TRANK1: variants seen among roughly 807,000 people sequenced by gnomAD.
The protein encoded by TRANK1 is tetratricopeptide repeat and ankyrin repeat containing 1.
Under a neutral mutation model 266.0 loss-of-function variants are expected in TRANK1, and 198 were observed. The ratio of observed to expected loss-of-function variants is 0.74; its 90% CI spans 0.66 to 0.84. The LOEUF (loss-of-function observed/expected upper bound fraction) is 0.84, where lower values mean the gene tolerates loss of function less well. TRANK1 is among the 40% of genes least tolerant of loss of function. The pLI, the probability that TRANK1 is intolerant of heterozygous loss-of-function variation, is 0.00. For synonymous variants in TRANK1, 1,396 were observed against 1,384.1 expected (o/e 1.01, Z -0.19); for missense variants, 3,326 against 3,634.6 (o/e 0.92, Z 2.18).
intron 1 of TRANK1, among the ~76,000 whole-genome samples, chr3:36,910,994 C>T (rs987541209): frequency 1.3e-5 from 2 of 151,818 alleles, no homozygotes; most frequent in East Asian, 1.9e-4. Flanking sequence ...TGCTTGAACC[C>T]GGAAGGCAGA....
intron 11 of TRANK1, 51 bp from the exon 12 acceptor site, chr3:36,858,945 G>A (rs371832978): frequency 6.0e-5 from 88 of 1,457,438 alleles, no homozygotes; most frequent in African/African-American, 8.5e-5. Flanking sequence ...AGCCTGGCTC[G>A]CCTGACGAGA....
rs547548010 is a variant in TRANK1 at position 36,861,030 on chromosome 3, C to T, written c.1371G>A (p.Pro457=). 3.9e-4 allele frequency: 598 copies of T among 1,537,870 alleles called. No homozygotes were observed. Among genetic ancestry groups the T allele is most frequent in the Middle Eastern group, 6.7e-4 (4 of 5,996 alleles). Reference sequence around the variant, plus strand: ...AGTCTTTGATGAGGCAATCCCCAAGCGGTGGTTCTCCACTTACTTTGCGGG... The same window carrying T: ...AGTCTTTGATGAGGCAATCCCCAAGTGGTGGTTCTCCACTTACTTTGCGGG... ...LLTRKVSGEP[P]LGDCLIKDCN... The change falls in exon 11 of 24, where the codon CCG becomes CCA. Residue 457 remains proline, a synonymous_variant. Transcript: ENST00000645898.
At chr3:36,888,505 C>A (rs1019213916) in intron 8 of TRANK1, among the ~76,000 whole-genome samples, 1 of 152,146 alleles carries the variant, frequency 6.6e-6, no homozygotes, top group African/African-American at 2.4e-5. Context: ...CAATAAAGCT[C>A]AAAAATCCAT....
intron 15 of TRANK1, among the ~76,000 whole-genome samples, chr3:36,848,222 C>A (rs1226245566): frequency 6.6e-6 from 1 of 152,066 alleles, no homozygotes; most frequent in Non-Finnish European, 1.5e-5. Context: ...AACACTGAAT[C>A]AAATTTAATA....
intron 1 of TRANK1, among the ~76,000 whole-genome samples, chr3:36,913,129 T>A (rs568363108): frequency 2.0e-5 from 3 of 151,872 alleles, no homozygotes; most frequent in Non-Finnish European, 4.4e-5. Context: ...GCAACCTCCA[T>A]CTCTCGAATT....
At position 36,831,207 on chromosome 3, in the gene TRANK1, C is replaced by T. The variant is rs1559411419; in HGVS notation, c.8376G>A (p.Gly2792=). The change falls in exon 22 of 24, where the codon GGG becomes GGA. Residue 2792 remains glycine (G), a synonymous_variant. Transcript: ENST00000645898. This position sits in a 1 kb window ranked among gnomAD's most constrained non-coding sequence, Gnocchi z 5.0. ...NYFSPSKAFE[G]AASEVAVLSR... ...AAAGGACTGCCACCTCGGAAGCTGC[C>T]CCCTCAAACGCTTTGCTGGGGCTGA... 2 of 1,613,950 alleles carry T rather than the reference C, an allele frequency of 1.2e-6. No homozygotes were observed. Among genetic ancestry groups the T allele is most frequent in the Non-Finnish European group, 1.7e-6 (2 of 1,179,892 alleles).
intron 2 of TRANK1, among the ~76,000 whole-genome samples, chr3:36,907,579 C>T (rs567160853): frequency 5.6e-4 from 85 of 151,154 alleles, no homozygotes; most frequent in Non-Finnish European, 9.9e-4. Context: ...ATTCTCCTGC[C>T]TCACCCTCCG....
chr3:36,863,129 A>G (rs73826908), intron 10 of TRANK1, among the ~76,000 whole-genome samples: 3,472 of 152,202 alleles, frequency 0.023, 140 homozygotes, highest in African/African-American at 0.08. Context: ...AGAGTAAGGA[A>G]TAAGAGGAAA....
At chr3:36,878,146 G>A (rs998821995) in intron 8 of TRANK1, among the ~76,000 whole-genome samples, 2 of 152,184 alleles carry the variant, frequency 1.3e-5, no homozygotes, top group Non-Finnish European at 2.9e-5. Flanking sequence ...CAGATAAGCA[G>A]CAGCATTAGA....
chr3:36,940,622 A>G (rs75269825), intron 1 of TRANK1, among the ~76,000 whole-genome samples: 10,506 of 152,144 alleles, frequency 0.069, 583 homozygotes, highest in African/African-American at 0.14. Flanking sequence ...CTGACCTCCC[A>G]TACTTCTTCT....
chr3:36,855,320 G>A lies in TRANK1; in HGVS notation c.4402C>T (p.Gln1468Ter). The stretch of plus-strand genomic sequence containing the variant: ...AAGGCCACGCCCTTCATGATGCTCT[G>A]GGCCGTGTCCCCCGTGAGGAACATA... ...NSMFLTGDTA[Q>*]SIMKGVAFRF... The change falls in exon 13 of 24, where the codon CAG becomes TAG. Residue 1468 changes from glutamine (Q) to a stop codon, truncating the protein, a stop_gained. Coordinates refer to ENST00000645898, the MANE Select transcript of TRANK1 (RefSeq NM_001329998.2). LOFTEE classifies it high-confidence loss of function. 1 of 1,614,058 alleles carries A rather than the reference G, an allele frequency of 6.2e-7. No individual in the cohort carries two copies. The highest frequency in any genetic ancestry group is 8.5e-7 in the Non-Finnish European group (1 of 1,179,902).
chr3:36,918,492 A>G (rs1327420433), intron 1 of TRANK1, among the ~76,000 whole-genome samples: 2 of 17,802 alleles, frequency 1.1e-4, no homozygotes, highest in East Asian at 2.8e-3. Context: ...AGAAAGAAAG[A>G]AAGAAAGAAA....
intron 2 of TRANK1, among the ~76,000 whole-genome samples, chr3:36,905,605 C>T (rs1385696653): frequency 1.3e-5 from 2 of 152,096 alleles, no homozygotes; most frequent in African/African-American, 2.4e-5. Flanking sequence ...GTTATGGTAG[C>T]GCAAGCAGAC....
intron 9 of TRANK1, 65 bp downstream of exon 9, chr3:36,874,061 A>G: frequency 1.4e-6 from 2 of 1,405,312 alleles, no homozygotes; most frequent in Non-Finnish European, 1.9e-6. Context: ...AGATAAACTG[A>G]TTTGTATCTA....
intron 4 of TRANK1, among the ~76,000 whole-genome samples, chr3:36,898,651 G>A (rs558972973): frequency 6.6e-6 from 1 of 151,784 alleles, no homozygotes; most frequent in Non-Finnish European, 1.5e-5. Context: ...AGAGATTAAG[G>A]CCATCCTGGC....
intron 7 of TRANK1, 101 bp downstream of exon 7, chr3:36,892,101 G>A (rs1026412566): frequency 6.1e-6 from 8 of 1,319,096 alleles, no homozygotes; most frequent in East Asian, 2.6e-5. Flanking sequence ...CAAATGGTCT[G>A]CATTCAAGTG....
chr3:36,937,240 T>C (rs916760335), intron 1 of TRANK1, among the ~76,000 whole-genome samples: 13 of 152,230 alleles, frequency 8.5e-5, no homozygotes, highest in Non-Finnish European at 1.6e-4. Flanking sequence ...ACATGATTTC[T>C]CCTCAGTGTG....
intron 1 of TRANK1, among the ~76,000 whole-genome samples, chr3:36,937,428 A>C (rs2080440194): frequency 6.6e-6 from 1 of 152,228 alleles, no homozygotes; most frequent in Non-Finnish European, 1.5e-5. Flanking sequence ...TCCCAATTTC[A>C]CAGATCAGGA....
chr3:36,928,969 A>T (rs1279056740), intron 1 of TRANK1, among the ~76,000 whole-genome samples: 1 of 152,122 alleles, frequency 6.6e-6, no homozygotes, highest in Non-Finnish European at 1.5e-5. Flanking sequence ...AGGTTATCTA[A>T]AAGAACACAT....
Sources: gnomAD v4.1 joint callset for allele counts (sites outside exome capture counted in the v4.1 genomes callset) on GRCh38, gnomAD v4.1.1 for gene constraint, Gnocchi (gnomAD v3.1) non-coding constraint, MANE v1.5 for transcripts, NCBI Gene and HGNC (gene_info 2026-07-23, HGNC 2026-07-21) for gene names.